PCNA: variants seen among roughly 807,000 people sequenced by gnomAD.
The protein encoded by PCNA is proliferating cell nuclear antigen.
A neutral mutation model predicts 27.8 loss-of-function variants in PCNA; 4 were observed. That is an observed-to-expected ratio of 0.14 (90% confidence interval 0.07 to 0.33). PCNA has a LOEUF of 0.33. Among genes scored for constraint, PCNA ranks in the 10% least tolerant of loss-of-function variants. PCNA has a pLI of 1.00. For missense variants in PCNA, 165 were observed against 327.4 expected (o/e 0.50, Z 3.83); for synonymous variants, 121 against 119.4 (o/e 1.01, Z -0.09).
At position 5,115,543 on chromosome 20, in the gene PCNA, T is replaced by C. The variant is rs1456956168; in HGVS notation, c.612A>G (p.Gln204=). ...TCAGGTACCTCAGTGCAAAAGTTAG[T>C]TGAACTGGTTCATTCATCTCTATGG... ...AVTIEMNEPV[Q]LTFALRYLNF... The change falls in exon 5 of 6, where the codon CAA becomes CAG. Residue 204 remains glutamine, a synonymous_variant. Coordinates refer to ENST00000379143, the MANE Select transcript of PCNA (RefSeq NM_182649.2). 6.2e-7 allele frequency: 1 copy of C among 1,614,002 alleles called. No homozygotes were observed. Among genetic ancestry groups the C allele is most frequent in the Non-Finnish European group, 8.5e-7 (1 of 1,179,896 alleles).
At position 5,118,660 on chromosome 20, in the gene PCNA, C is replaced by A; in HGVS notation, c.337G>T (p.Asp113Tyr). The A allele has an allele frequency of 6.2e-7, 1 of 1,613,766 alleles. No individual in the cohort carries two copies. Among genetic ancestry groups the A allele is most frequent in the Non-Finnish European group, 8.5e-7 (1 of 1,179,632 alleles). ...AAATCCATCAACTTCATTTCATAGT[C>A]TGAAACTTTCTCCTGGTCTACCAAA... ...FEAPNQEKVS[D>Y]YEMKLMDLDV... The change falls in exon 3 of 6, where the codon GAC becomes TAC. Residue 113 changes from aspartate to tyrosine, a missense_variant. Physicochemically the swap from Asp to Tyr is radical, Grantham distance 160 (BLOSUM62 -3). Coordinates refer to ENST00000379143, the MANE Select transcript of PCNA (RefSeq NM_182649.2).
chr20:5,118,421 A>T (rs2090491270), intron 3 of PCNA, among the ~76,000 whole-genome samples, 189 bp downstream of exon 3: 1 of 152,168 alleles, frequency 6.6e-6, no homozygotes, highest in Non-Finnish European at 1.5e-5. Context: ...CTTCCTAGCC[A>T]CTTAGGAGAC....
chr20:5,117,432 T>TG (rs2090482965), intron 4 of PCNA, 38 bp downstream of exon 4: 1 of 1,405,888 alleles, frequency 7.1e-7, no homozygotes, highest in South Asian at 1.2e-5. Context: ...ATTATAATTC[T>TG]CTTCAAACTA....
chr20:5,124,840 T>C (rs1434986808), upstream of PCNA, among the ~76,000 whole-genome samples: 9 of 152,170 alleles, frequency 5.9e-5, no homozygotes, highest in Non-Finnish European at 1.5e-5. Flanking sequence ...AGACCACATG[T>C]TATCCATCCT....
At chr20:5,119,029 T>G (rs1379246388) in intron 1 of PCNA, among the ~76,000 whole-genome samples, 163 bp from the exon 2 acceptor site, 1 of 152,150 alleles carries the variant, frequency 6.6e-6, no homozygotes, top group Admixed American at 6.6e-5. Flanking sequence ...GCAGACGTTT[T>G]GGGACGCATC....
In PCNA at chr20:5,118,156, A is replaced by G. The variant is rs3730424; in HGVS notation, c.387+454T>C. ...TGCAAATAGACAACTGGCAGTAAAC[A>G]ATAAATTTAACCTGTGAGTTTTAGA... On this transcript the variant is annotated intron_variant, in intron 3 of 5. Coordinates refer to ENST00000379143, the MANE Select transcript of PCNA (RefSeq NM_182649.2). Among the ~76,000 whole-genome samples, 1,312 of 152,386 alleles carry G rather than the reference A, an allele frequency of 8.6e-3. 5 individuals are homozygous for G. Among genetic ancestry groups the G allele is most frequent in the Non-Finnish European group, 0.014 (983 of 68,040 alleles).
Position 5,119,713 on chromosome 20 carries a change from T to C in PCNA, c.86A>G (p.Asp29Gly). The C allele has an allele frequency of 3.7e-6, 6 of 1,603,974 alleles. No homozygotes were observed. The highest frequency in any genetic ancestry group is 5.1e-6 in the Non-Finnish European group (6 of 1,175,494). The change falls in exon 1 of 6, where the codon GAT becomes GGT. Residue 29 changes from aspartate to glycine, a missense_variant. Asp to Gly is a moderately conservative substitution (Grantham distance 94, BLOSUM62 -1). Coordinates refer to ENST00000379143, the MANE Select transcript of PCNA (RefSeq NM_182649.2). ...LKDLINEACW[D>G]ISSSGVNLQS... ...CAGGTTTACACCGCTGGAGCTAATA[T>C]CCCAGCAGGCCTCGTTGATGAGGTC...
upstream of PCNA, among the ~76,000 whole-genome samples, chr20:5,121,975 TTTTC>T (rs369173428): frequency 2.8e-4 from 42 of 150,128 alleles, no homozygotes; most frequent in East Asian, 7.2e-3. Flanking sequence ...TTTTTTTTCT[TTTTC>T]TTTTTCTTTT....
exon 1 of PCNA, chr20:5,126,553 C>G (rs1303700585): frequency 6.6e-6 from 1 of 151,370 alleles, no homozygotes; most frequent in Non-Finnish European, 1.5e-5. Flanking sequence ...CAGGCTAGAG[C>G]CTCCGGGTGG....
At chr20:5,123,820 T>C (rs957898763), upstream of PCNA, among the ~76,000 whole-genome samples, 21 of 152,170 alleles carry the variant, frequency 1.4e-4, no homozygotes, top group African/African-American at 5.1e-4. Flanking sequence ...GATCTTCCTA[T>C]GGGCTTCCAA....
chr20:5,119,470 G>A lies in PCNA; in HGVS notation c.221+108C>T, dbSNP rs543485762. On this transcript the variant is annotated intron_variant, in intron 1 of 5. Coordinates refer to ENST00000379143, the MANE Select transcript of PCNA (RefSeq NM_182649.2). ...CACTGCGTGGCAGGCCAATGAGAAG[G>A]CGCGGATGGCCCACGCCAGCCAATG... 22 of 875,150 alleles carry A rather than the reference G, an allele frequency of 2.5e-5. 1 individual carries two copies. Among genetic ancestry groups the A allele is most frequent in the Middle Eastern group, 3.5e-4 (1 of 2,848 alleles). 54.2% of individuals were successfully genotyped at this position (875,150 alleles called of 1,614,324 possible).
chr20:5,120,002 G>C, upstream of PCNA: 1 of 586,640 alleles, frequency 1.7e-6, no homozygotes, highest in South Asian at 2.0e-5. Context: ...GCGCCGCGTT[G>C]CGACGTCACC....
rs771809068 is a variant in PCNA, at chr20:5,115,339, T to C, written c.730A>G (p.Met244Val). The change falls in exon 6 of 6, where the codon ATG (methionine) becomes GTG (valine). Residue 244 changes from methionine to valine, a missense_variant. Met to Val is a conservative substitution (Grantham distance 21). Coordinates refer to ENST00000379143, the MANE Select transcript of PCNA (RefSeq NM_182649.2). Reference protein sequence around the residue: ...PLVVEYKIADMGHLKYYLAPK... With the variant: ...PLVVEYKIADVGHLKYYLAPK... ...GCCAAGTAGTATTTTAAGTGTCCCA[T>C]ATCCGCAATTTTATACTCTACAACT... The C allele has an allele frequency of 6.2e-7, 1 of 1,614,008 alleles. No individual in the cohort carries two copies. Among genetic ancestry groups the C allele is most frequent in the Non-Finnish European group, 8.5e-7 (1 of 1,179,888 alleles).
At chr20:5,124,224 T>G (rs1024680511), upstream of PCNA, among the ~76,000 whole-genome samples, 2 of 152,216 alleles carry the variant, frequency 1.3e-5, no homozygotes. Flanking sequence ...GGTGGAAACT[T>G]AGAAATGTGT....
At chr20:5,119,479 G>T in intron 1 of PCNA, 99 bp downstream of exon 1, 1 of 954,614 alleles carries the variant, frequency 1.0e-6, no homozygotes, top group Non-Finnish European at 1.5e-6. Context: ...GGCGCGGATG[G>T]CCCACGCCAG....
upstream of PCNA, among the ~76,000 whole-genome samples, chr20:5,123,769 C>A (rs1429510457): frequency 6.6e-6 from 1 of 151,450 alleles, no homozygotes; most frequent in Admixed American, 6.6e-5. Flanking sequence ...CAAATCTTGA[C>A]CCAATAAGAA....
At chr20:5,120,254 C>T (rs548830053), upstream of PCNA, among the ~76,000 whole-genome samples, 1 of 152,370 alleles carries the variant, frequency 6.6e-6, no homozygotes, top group African/African-American at 2.4e-5. Flanking sequence ...TCCTCAGCCT[C>T]CCACTACGTG....
chr20:5,121,917 G>A (rs144943967), upstream of PCNA, among the ~76,000 whole-genome samples: 1 of 151,566 alleles, frequency 6.6e-6, no homozygotes, highest in Admixed American at 6.6e-5. Flanking sequence ...GAGCCACTGT[G>A]CCCAGCCTCA....
In PCNA at chr20:5,115,069, A is replaced by C. The variant is rs984033253; in HGVS notation, c.*214T>G. On this transcript the variant is annotated 3_prime_UTR_variant, in exon 6 of 6. Coordinates refer to ENST00000379143, the MANE Select transcript of PCNA (RefSeq NM_182649.2). ...ACAAGTATTTCTAAGAGACAAAAAT[A>C]CTTCTAGGTTAACTAGACCAGATCT... is the stretch of plus-strand genomic sequence containing the variant. 2 of 426,870 alleles carry C rather than the reference A, an allele frequency of 4.7e-6. No individual in the cohort carries two copies. The highest frequency in any genetic ancestry group is 8.4e-6 in the Non-Finnish European group (2 of 237,712). 26.4% of individuals were successfully genotyped at this position (426,870 alleles called of 1,614,324 possible). A position where few individuals can be genotyped will look rare whatever the true frequency, so the allele number is the denominator to read the frequency against.
Sources: gnomAD v4.1 joint callset for allele counts (sites outside exome capture counted in the v4.1 genomes callset) on GRCh38, gnomAD v4.1.1 for gene constraint, MANE v1.5 for transcripts, NCBI Gene and HGNC (gene_info 2026-07-23, HGNC 2026-07-21) for gene names.